Variants in NRXN1 observed in about 807,000 individuals in gnomAD.
NRXN1 encodes neurexin-1.
In NRXN1, 39 loss-of-function variants were observed where a neutral mutation model predicts 150.9. The observed-to-expected ratio is 0.26, with a 90% confidence interval of 0.20 to 0.34. The LOEUF (loss-of-function observed/expected upper bound fraction) is 0.34, where lower values mean the gene tolerates loss of function less well. Among genes scored for constraint, NRXN1 ranks in the 10% least tolerant of loss-of-function variants. NRXN1 has a pLI of 1.00. For missense variants in NRXN1, 1,815 were observed against 1,949.9 expected, an observed-to-expected ratio of 0.93 and a Z score of 1.30; for synonymous variants, 924 against 757.0, an observed-to-expected ratio of 1.22 and a Z score of -3.62.
chr2:50,566,545 G>A (rs901532445), intron 8 of NRXN1, among the ~76,000 whole-genome samples: 2 of 151,646 alleles, frequency 1.3e-5, no homozygotes, highest in African/African-American at 4.8e-5. Flanking sequence ...GTGAGCCACC[G>A]TGCCCAGCCA....
At chr2:50,166,848 G>A (rs12479013) in intron 18 of NRXN1, among the ~76,000 whole-genome samples, 9,009 of 152,064 alleles carry the variant, frequency 0.059, 321 homozygotes, top group Middle Eastern at 0.11. Context: ...ATCACAACTA[G>A]GATTAATTGG....
At chr2:50,328,554 G>T (rs1301697375) in intron 17 of NRXN1, among the ~76,000 whole-genome samples, 1 of 151,964 alleles carries the variant, frequency 6.6e-6, no homozygotes, top group Non-Finnish European at 1.5e-5. Flanking sequence ...GGCCAACAGG[G>T]TGAAACCCAT....
At chr2:50,808,401 G>A (rs914270219) in intron 5 of NRXN1, among the ~76,000 whole-genome samples, 3 of 151,878 alleles carry the variant, frequency 2.0e-5, no homozygotes, top group Admixed American at 1.3e-4. Context: ...TTTTGAGTTG[G>A]CAGAGGTAAA....
Position 50,936,226 on chromosome 2 carries a change from G to A in NRXN1, c.773-10271C>T, listed in dbSNP as rs184917487. ...CATGCTCTAACCAACTGAGCTAACC[G>A]GCCGACTGGTCATCTGACATTTTAG... On this transcript the variant is annotated intron_variant, in intron 2 of 22. Transcript: ENST00000401669. Among the ~76,000 whole-genome samples the A allele has an allele frequency of 7.1e-4, 108 of 152,210 alleles. 1 individual carries two copies. The highest frequency in any genetic ancestry group is 2.5e-3 in the African/African-American group (104 of 41,538).
chr2:50,412,685 T>C (rs1299676872), intron 17 of NRXN1, among the ~76,000 whole-genome samples: 1 of 152,182 alleles, frequency 6.6e-6, no homozygotes, highest in Non-Finnish European at 1.5e-5. Context: ...ATTAAAGCAA[T>C]CATACAATAT....
chr2:50,167,440 C>G (rs920494912), intron 18 of NRXN1, among the ~76,000 whole-genome samples: 4 of 151,772 alleles, frequency 2.6e-5, no homozygotes, highest in Non-Finnish European at 4.4e-5. Context: ...TGTTTAGATA[C>G]TAGAATATTT....
At chr2:50,611,937 C>T (rs1678218292) in intron 8 of NRXN1, among the ~76,000 whole-genome samples, 1 of 152,182 alleles carries the variant, frequency 6.6e-6, no homozygotes, top group South Asian at 2.1e-4. Context: ...CCTTCTCTGA[C>T]ATCCCAGCAA....
At chr2:50,753,653 G>C (rs187330808) in intron 5 of NRXN1, among the ~76,000 whole-genome samples, 209 of 151,838 alleles carry the variant, frequency 1.4e-3, no homozygotes, top group African/African-American at 4.9e-3. Context: ...GTTGATACAA[G>C]AAAAGATTAT....
chr2:50,638,236 C>G (rs1027430955), intron 5 of NRXN1, among the ~76,000 whole-genome samples: 1 of 152,126 alleles, frequency 6.6e-6, no homozygotes, highest in Non-Finnish European at 1.5e-5. Context: ...TCCACTTTAA[C>G]AATATTGGGG....
At chr2:49,980,644 A>G (rs1679843519) in intron 21 of NRXN1, among the ~76,000 whole-genome samples, 1 of 152,120 alleles carries the variant, frequency 6.6e-6, no homozygotes, top group Non-Finnish European at 1.5e-5. Context: ...CATAGAAGAA[A>G]TGTACAAATC....
intron 19 of NRXN1, among the ~76,000 whole-genome samples, chr2:50,084,149 C>G (rs540781241): frequency 3.3e-5 from 5 of 152,344 alleles, no homozygotes; most frequent in Admixed American, 6.5e-5. Flanking sequence ...CAAGTCCCCA[C>G]CAAACTCAGG....
intron 2 of NRXN1, among the ~76,000 whole-genome samples, chr2:50,973,676 T>G (rs576147635): frequency 6.6e-6 from 1 of 152,258 alleles, no homozygotes; most frequent in South Asian, 2.1e-4. Flanking sequence ...TTTATAGGCT[T>G]TAAAAATTAT....
At chr2:49,950,488 G>A (rs7604836) in intron 21 of NRXN1, among the ~76,000 whole-genome samples, 2,727 of 152,034 alleles carry the variant, frequency 0.018, 77 homozygotes, top group African/African-American at 0.062. Context: ...TCATCTATGC[G>A]TAGCATTTTC....
chr2:50,262,892 T>A (rs1458237874), intron 17 of NRXN1, among the ~76,000 whole-genome samples: 1 of 152,016 alleles, frequency 6.6e-6, no homozygotes, highest in Non-Finnish European at 1.5e-5. Flanking sequence ...TTCTTATGTG[T>A]TGGAGTTTTT....
chr2:50,924,034 G>C (rs1686491452), intron 3 of NRXN1, among the ~76,000 whole-genome samples: 1 of 151,800 alleles, frequency 6.6e-6, no homozygotes, highest in Non-Finnish European at 1.5e-5. Flanking sequence ...ATAATTCATA[G>C]TGTTTTATAT....
intron 18 of NRXN1, among the ~76,000 whole-genome samples, chr2:50,121,663 G>A (rs1188256180): frequency 2.0e-5 from 3 of 152,130 alleles, no homozygotes; most frequent in Non-Finnish European, 2.9e-5. Flanking sequence ...TCAACCAGGA[G>A]AACATAGAGT....
At chr2:50,686,395 G>T (rs1344819215) in intron 5 of NRXN1, among the ~76,000 whole-genome samples, 2 of 151,988 alleles carry the variant, frequency 1.3e-5, no homozygotes, top group African/African-American at 4.8e-5. Flanking sequence ...TTCTAAAAGG[G>T]GCTACTTTGG....
At chr2:50,143,794 T>C (rs1362030592) in intron 18 of NRXN1, among the ~76,000 whole-genome samples, 2 of 151,866 alleles carry the variant, frequency 1.3e-5, no homozygotes, top group East Asian at 3.9e-4. Context: ...CCCCATACTT[T>C]AGGGTGCACA....
At chr2:50,001,195 G>A (rs565231223) in intron 21 of NRXN1, among the ~76,000 whole-genome samples, 5 of 152,230 alleles carry the variant, frequency 3.3e-5, no homozygotes, top group South Asian at 2.1e-4. Context: ...AGATTTCAGT[G>A]TCCTTATCAC....
Sources: allele counts gnomAD v4.1 joint callset (sites outside exome capture counted in the v4.1 genomes callset), GRCh38; gene constraint gnomAD v4.1.1; transcripts MANE v1.5; gene names NCBI Gene and HGNC (gene_info 2026-07-23, HGNC 2026-07-21).